PDE10A: variants seen among roughly 807,000 people sequenced by gnomAD.
PDE10A encodes cAMP and cAMP-inhibited cGMP 3',5'-cyclic phosphodiesterase 10A.
Under a neutral mutation model 97.7 loss-of-function variants are expected in PDE10A, and 39 were observed. The ratio of observed to expected loss-of-function variants is 0.40; its 90% confidence interval spans 0.31 to 0.52. The LOEUF (loss-of-function observed/expected upper bound fraction) is 0.52, where lower values mean the gene tolerates loss of function less well. Ranked by LOEUF, PDE10A falls within the 20% of genes least tolerant of loss-of-function variation. PDE10A has a pLI of 0.56. For synonymous variants in PDE10A, 371 were observed against 376.8 expected (o/e 0.98, Z 0.18); for missense variants, 731 against 1,047.8 (o/e 0.70, Z 4.17).
chr6:165,418,895 T>C lies in PDE10A; in HGVS notation c.1654-118A>G. 1 of 725,184 alleles carries C rather than the reference T, an allele frequency of 1.4e-6. No homozygotes were observed. The highest frequency in any genetic ancestry group is 2.7e-5 in the East Asian group (1 of 36,896). The allele number at this position is 725,184 out of a possible 1,614,324, so 44.9% of individuals were successfully genotyped here. A position where few individuals can be genotyped will look rare whatever the true frequency, so the allele number is the denominator to read the frequency against. On this transcript the variant is annotated intron_variant, in intron 10 of 21. Coordinates refer to ENST00000539869, the MANE Select transcript of PDE10A (RefSeq NM_001385079.1). This position sits in a 1 kb window ranked among gnomAD's most constrained non-coding sequence, Gnocchi z 4.8. ...GTCCTATACTCTAATTGGTTGGTAT[T>C]AGCATTATAAGTAAATAAATATACA...
At chr6:165,600,490 T>C (rs117784129) in intron 1 of PDE10A, among the ~76,000 whole-genome samples, 3,862 of 152,364 alleles carry the variant, frequency 0.025, 64 homozygotes, top group Non-Finnish European at 0.035. Flanking sequence ...CACATACACA[T>C]ACACATGTAA....
In PDE10A at chr6:165,434,788, G is replaced by A. The variant is rs559829349; in HGVS notation, c.1335+449C>T. On this transcript the variant is annotated intron_variant, in intron 6 of 21. Transcript: ENST00000539869. ...ATGGCCAGCTGACCTCAGACGCATA[G>A]GCAAATCCAACTGACAGCAGTCCAG... Among the ~76,000 whole-genome samples, 4 of 152,294 alleles carry A rather than the reference G, an allele frequency of 2.6e-5. No homozygotes were observed. The South Asian group carries it at 8.3e-4, about 32-fold the overall frequency.
chr6:165,548,633 A>G (rs115210462), intron 1 of PDE10A, among the ~76,000 whole-genome samples: 3,001 of 152,274 alleles, frequency 0.02, 120 homozygotes, highest in African/African-American at 0.069. Flanking sequence ...CACTTCTGTC[A>G]GAAGTTTTTT....
chr6:165,916,004 C>T (rs1290685110), intron 1 of PDE10A, among the ~76,000 whole-genome samples: 1 of 152,208 alleles, frequency 6.6e-6, no homozygotes, highest in Non-Finnish European at 1.5e-5. Context: ...CTAACTTCGG[C>T]CATGTCATTA....
At chr6:165,396,655 A>T (rs1013803713) in intron 13 of PDE10A, among the ~76,000 whole-genome samples, 196 bp from the exon 14 acceptor site, 5 of 152,152 alleles carry the variant, frequency 3.3e-5, no homozygotes, top group African/African-American at 9.6e-5. Flanking sequence ...TGCTTTTTTT[A>T]AAAAATGGTA....
chr6:165,520,458 A>C (rs1327183003), intron 2 of PDE10A, among the ~76,000 whole-genome samples: 1 of 152,134 alleles, frequency 6.6e-6, no homozygotes, highest in African/African-American at 2.4e-5. Flanking sequence ...TGACAGTTTG[A>C]ACAAATTCCA....
chr6:165,740,487 C>T (rs576776182), intron 1 of PDE10A, among the ~76,000 whole-genome samples: 3 of 152,208 alleles, frequency 2.0e-5, no homozygotes, highest in South Asian at 4.2e-4. Context: ...TGTGCCACCA[C>T]GTGCTCGGCT....
At chr6:165,646,377 A>T (rs1036140387) in intron 1 of PDE10A, among the ~76,000 whole-genome samples, 2 of 152,254 alleles carry the variant, frequency 1.3e-5, no homozygotes, top group African/African-American at 4.8e-5. Flanking sequence ...ATTATGACCT[A>T]AAACAAGCCT....
At chr6:165,764,706 G>A (rs1777767212) in intron 1 of PDE10A, among the ~76,000 whole-genome samples, 2 of 152,190 alleles carry the variant, frequency 1.3e-5, no homozygotes, top group African/African-American at 2.4e-5. Context: ...TGAAGCTGCA[G>A]ACCTTCCCGG....
intron 1 of PDE10A, among the ~76,000 whole-genome samples, chr6:165,606,827 C>A (rs1365123814): frequency 6.6e-6 from 1 of 151,972 alleles, no homozygotes; most frequent in Non-Finnish European, 1.5e-5. Context: ...CGTGCAGGGG[C>A]TTAGGTGGAA....
At chr6:165,340,217 G>T (rs553101666) in intron 19 of PDE10A, among the ~76,000 whole-genome samples, 1 of 152,066 alleles carries the variant, frequency 6.6e-6, no homozygotes. Context: ...TTATTTATTT[G>T]TTAAAGGTAA....
At chr6:165,953,784 G>T (rs1784046059) in intron 1 of PDE10A, among the ~76,000 whole-genome samples, 2 of 152,168 alleles carry the variant, frequency 1.3e-5, no homozygotes, top group Non-Finnish European at 2.9e-5. Context: ...TTACATCAGA[G>T]TTGGTTCCTT....
At chr6:165,806,042 TAAAA>T (rs67104260) in intron 1 of PDE10A, among the ~76,000 whole-genome samples, 1,986 of 73,108 alleles carry the variant, frequency 0.027, 26 homozygotes, top group Middle Eastern at 0.13. Context: ...GCTTGATTAT[TAAAA>T]AAAAAAAAAA....
intron 1 of PDE10A, among the ~76,000 whole-genome samples, chr6:165,766,123 G>C (rs1484146493): frequency 1.3e-5 from 2 of 152,152 alleles, no homozygotes; most frequent in African/African-American, 4.8e-5. Flanking sequence ...CTCAGCCCCT[G>C]ATCCATGAGA....
At chr6:165,555,081 C>T (rs1178153188) in intron 1 of PDE10A, among the ~76,000 whole-genome samples, 1 of 152,054 alleles carries the variant, frequency 6.6e-6, no homozygotes, top group Non-Finnish European at 1.5e-5. Flanking sequence ...AAAAAATGAA[C>T]AAGTGAATAA....
chr6:165,661,645 C>T lies in PDE10A; in HGVS notation c.865+302G>A, dbSNP rs1790268855. On this transcript the variant is annotated intron_variant, in intron 1 of 21. Coordinates refer to ENST00000539869, the MANE Select transcript of PDE10A (RefSeq NM_001385079.1). The surrounding 1 kb of genome is among the most constrained non-coding windows in gnomAD (Gnocchi z 4.8). ...GTGTGGCCAGAAACGGCACGAGGGG[C>T]GGAGAAGGAGGCGGCAGGTCCCGCT... is the stretch of plus-strand genomic sequence containing the variant. 7.9e-6 allele frequency: 3 copies of T among 378,542 alleles called. No homozygotes were observed. The highest frequency in any genetic ancestry group is 7.1e-4 in the Middle Eastern group (1 of 1,402). The allele number at this position is 378,542 out of a possible 1,614,324, so 23.4% of individuals were successfully genotyped here.
At chr6:165,420,014 G>A (rs1788582610) in intron 10 of PDE10A, among the ~76,000 whole-genome samples, 1 of 152,130 alleles carries the variant, frequency 6.6e-6, no homozygotes. Flanking sequence ...TACTGGCTGT[G>A]CCCACTACGC....
At chr6:165,654,770 C>G (rs573056927) in intron 1 of PDE10A, among the ~76,000 whole-genome samples, 2 of 152,288 alleles carry the variant, frequency 1.3e-5, no homozygotes, top group South Asian at 4.1e-4. Context: ...ACCGCAATCT[C>G]CCGACCGAGG....
At chr6:165,844,717 T>C (rs371367933) in intron 1 of PDE10A, among the ~76,000 whole-genome samples, 2 of 152,240 alleles carry the variant, frequency 1.3e-5, no homozygotes, top group East Asian at 3.8e-4. Context: ...TGCTTATTTT[T>C]ACTCTTTAAT....
Sources: allele counts gnomAD v4.1 joint callset (sites outside exome capture counted in the v4.1 genomes callset), GRCh38; gene constraint gnomAD v4.1.1; non-coding constraint Gnocchi (gnomAD v3.1); transcripts MANE v1.5; gene names NCBI Gene and HGNC (gene_info 2026-07-23, HGNC 2026-07-21).